The following MFSD11 variants were observed in gnomAD, a reference collection of about 807,000 sequenced individuals.
MFSD11 encodes UNC93-like protein MFSD11.
In MFSD11, 36 loss-of-function variants were observed where a neutral mutation model predicts 53.5. The ratio of observed to expected loss-of-function variants is 0.67; its 90% confidence interval spans 0.52 to 0.89. The LOEUF is 0.89. Ranked by LOEUF, MFSD11 falls within the 40% of genes least tolerant of loss-of-function variation. MFSD11 has a pLI of 0.00. For synonymous variants in MFSD11, 186 were observed against 184.9 expected, an observed-to-expected ratio of 1.01 and a Z score of -0.05; for missense variants, 530 against 543.9, an observed-to-expected ratio of 0.97 and a Z score of 0.25.
intron 8 of MFSD11, among the ~76,000 whole-genome samples, chr17:76,762,984 C>T (rs1330040113): frequency 2.6e-5 from 4 of 152,068 alleles, no homozygotes; most frequent in African/African-American, 9.7e-5. Context: ...TGCAAACGCC[C>T]CAGGCCTTCC....
chr17:76,749,104 A>G (rs1016921511), intron 7 of MFSD11, among the ~76,000 whole-genome samples: 7 of 152,200 alleles, frequency 4.6e-5, no homozygotes, highest in Admixed American at 2.0e-4. Context: ...TCACCCATCT[A>G]AAGTATACAC....
chr17:76,743,351 T>C, intron 5 of MFSD11, 47 bp from the exon 6 acceptor site: 1 of 1,218,938 alleles, frequency 8.2e-7, no homozygotes, highest in South Asian at 1.4e-5. Context: ...AAACTATAAA[T>C]ATTAAAATAA....
At chr17:76,781,337 C>G (rs1401666100), downstream of MFSD11, 1 of 152,256 alleles carries the variant, frequency 6.6e-6, no homozygotes, top group African/African-American at 2.4e-5. Flanking sequence ...CATCAAAGGT[C>G]ACAAGCAAGG....
chr17:76,777,481 C>G (rs540134541), intron 12 of MFSD11, among the ~76,000 whole-genome samples: 20 of 152,258 alleles, frequency 1.3e-4, no homozygotes, highest in Middle Eastern at 6.8e-3. Flanking sequence ...GTGATCCGCC[C>G]GCTTGGGCCC....
upstream of MFSD11, chr17:76,737,269 G>C (rs552603580): frequency 2.1e-6 from 3 of 1,406,706 alleles, no homozygotes; most frequent in South Asian, 2.9e-5. Flanking sequence ...GGGACACTGG[G>C]AAAGGCCTTG....
chr17:76,779,387 T>A (rs1201456001), downstream of MFSD11: 1 of 151,996 alleles, frequency 6.6e-6, no homozygotes, highest in Non-Finnish European at 1.5e-5. Flanking sequence ...TTTCATTTGA[T>A]AAGTTTTCTT....
intron 8 of MFSD11, among the ~76,000 whole-genome samples, chr17:76,754,761 A>G (rs550456595): frequency 3.2e-4 from 49 of 151,646 alleles, no homozygotes; most frequent in African/African-American, 1.2e-3. Context: ...GAAGGTAGTA[A>G]GAATAATCAT....
At chr17:76,782,762 G>C (rs986014533), downstream of MFSD11, among the ~76,000 whole-genome samples, 1 of 151,910 alleles carries the variant, frequency 6.6e-6, no homozygotes, top group Non-Finnish European at 1.5e-5. Flanking sequence ...ACAGGCTTGA[G>C]CCCACCACGC....
intron 2 of MFSD11, 21 bp from the exon 3 acceptor site, chr17:76,740,934 CCG>C: frequency 1.2e-6 from 1 of 819,836 alleles, no homozygotes; most frequent in East Asian, 3.2e-5. Flanking sequence ...TTTTTTTTTT[CCG>C]TTTGTGTATT....
chr17:76,737,303 C>G (rs577138635), upstream of MFSD11: 15 of 1,199,006 alleles, frequency 1.3e-5, no homozygotes, highest in East Asian at 2.6e-5. Flanking sequence ...CGGACGGGCT[C>G]CGCAGGCTAG....
the MFSD11 span, among the ~76,000 whole-genome samples, chr17:76,791,453 A>G: frequency 2.0e-3 from 301 of 148,160 alleles, 32 homozygotes; most frequent in African/African-American, 6.8e-3. Flanking sequence ...TTAGAAAGGG[A>G]TCTTTTGGGA....
chr17:76,749,595 TA>T (rs1289166352), intron 7 of MFSD11, among the ~76,000 whole-genome samples: 1 of 148,680 alleles, frequency 6.7e-6, no homozygotes, highest in Non-Finnish European at 1.5e-5. Context: ...GTTCTTGAAA[TA>T]AAAAAATAAA....
At chr17:76,771,534 A>T (rs1300283450) in intron 10 of MFSD11, among the ~76,000 whole-genome samples, 1 of 152,232 alleles carries the variant, frequency 6.6e-6, no homozygotes, top group Non-Finnish European at 1.5e-5. Flanking sequence ...AATACAGACA[A>T]TAAAAACAGA....
At chr17:76,763,804 A>G (rs1334298396) in intron 8 of MFSD11, among the ~76,000 whole-genome samples, 1 of 151,788 alleles carries the variant, frequency 6.6e-6, no homozygotes, top group Non-Finnish European at 1.5e-5. Context: ...AAATTCCCCC[A>G]ACTTTATCGA....
rs1159131964 is a variant in MFSD11 at position 76,759,756 on chromosome 17, C to CTTTTTTTTT, written c.682+5691_682+5699dup. Among the ~76,000 whole-genome samples the CTTTTTTTTT allele has an allele frequency of 9.6e-4, 26 of 27,014 alleles. 1 individual carries two copies. The highest frequency in any genetic ancestry group is 9.7e-4 in the Non-Finnish European group (15 of 15,420). The allele number at this position is 27,014 out of a possible 152,430, so 17.7% of individuals were successfully genotyped here. ...ACAGGTGTGAGCCACCGTGACCGGC[C>CTTTTTTTTT]TTTTTTTTTTTTTTTTTTTTTTTTT... On this transcript the variant is annotated intron_variant, in intron 8 of 12. Coordinates refer to ENST00000685175, the MANE Select transcript of MFSD11 (RefSeq NM_001242532.5).
intron 6 of MFSD11, 22 bp from the exon 7 acceptor site, chr17:76,744,300 G>A (rs1425625575): frequency 6.3e-7 from 1 of 1,598,782 alleles, no homozygotes; most frequent in Non-Finnish European, 8.5e-7. Context: ...ATACTATCTT[G>A]TTTCTTCTTT....
chr17:76,800,868 G>C, the MFSD11 span, among the ~76,000 whole-genome samples: 7 of 152,098 alleles, frequency 4.6e-5, no homozygotes, highest in Admixed American at 2.6e-4. Flanking sequence ...CCTGAGGTCA[G>C]GAGTTCAAGA....
chr17:76,799,285 T>G, the MFSD11 span: 1 of 151,920 alleles, frequency 6.6e-6, no homozygotes, highest in Non-Finnish European at 1.5e-5. Context: ...TGGCTAATTT[T>G]TGTAGTTTTA....
At chr17:76,754,701 A>ATT (rs2079402225) in intron 8 of MFSD11, among the ~76,000 whole-genome samples, 1 of 149,862 alleles carries the variant, frequency 6.7e-6, no homozygotes, top group Non-Finnish European at 1.5e-5. Context: ...AAAAAAAAAG[A>ATT]GCAGATTGCT....
Sources: allele counts gnomAD v4.1 joint callset (sites outside exome capture counted in the v4.1 genomes callset), GRCh38; gene constraint gnomAD v4.1.1; transcripts MANE v1.5; gene names NCBI Gene and HGNC (gene_info 2026-07-23, HGNC 2026-07-21).